Variants in DNAH17 observed in about 807,000 individuals in gnomAD.
The protein encoded by DNAH17 is axonemal beta dynein heavy chain 17.
Under a neutral mutation model 485.6 loss-of-function variants are expected in DNAH17, and 376 were observed. The ratio of observed to expected loss-of-function variants is 0.77; its 90% CI spans 0.71 to 0.84. The LOEUF is 0.84. Among genes scored for constraint, DNAH17 ranks in the 40% least tolerant of loss-of-function variants. The probability of loss-of-function intolerance (pLI) is 0.00; values close to 1 mark genes in which losing one functional copy is unlikely to be tolerated. For missense variants in DNAH17, 6,370 were observed against 5,839.3 expected (o/e 1.09, Z -2.96); for synonymous variants, 3,031 against 2,405.9 (o/e 1.26, Z -7.60).
rs56009624 is a variant in DNAH17 at position 78,528,950 on chromosome 17, A to ATT, written c.3507+520_3507+521dup. 4.9e-3 allele frequency among the ~76,000 whole-genome samples: 695 copies of ATT among 140,636 alleles called. 6 individuals are homozygous for ATT. Among genetic ancestry groups the ATT allele is most frequent in the Middle Eastern group, 0.015 (4 of 266 alleles). The allele number at this position is 140,636 out of a possible 152,430, so 92.3% of individuals were successfully genotyped here. On this transcript the variant is annotated intron_variant, in intron 22 of 80. Transcript: ENST00000389840. ...GACATGGGACATAAAGGCATTTTGT[A>ATT]TTTTTTTTTTTTTTTAAGACAGAAT... is the stretch of plus-strand genomic sequence containing the variant.
intron 75 of DNAH17, among the ~76,000 whole-genome samples, chr17:78,433,020 A>G (rs1367432562): frequency 6.6e-6 from 1 of 150,888 alleles, no homozygotes; most frequent in Non-Finnish European, 1.5e-5. Context: ...AGCTGAGTGC[A>G]GCTTTCTTCC....
rs759023332 is a variant in DNAH17, at chr17:78,459,958, G to A, written c.9479C>T (p.Ala3160Val). The A allele has an allele frequency of 6.2e-7, 1 of 1,613,502 alleles. No individual in the cohort carries two copies. The highest frequency in any genetic ancestry group is 1.1e-5 in the South Asian group (1 of 91,070). The change falls in exon 60 of 81, where the codon GCT (alanine) becomes GTT (valine). Residue 3160 changes from alanine (A) to valine (V), a missense_variant. Ala to Val is a moderately conservative substitution (Grantham distance 64). Transcript: ENST00000389840. ...GACGGCGGCGGTGACGTTGACCACA[G>A]CATCCGGCGGGGACCCAAAGGACTT... ...ELKSFGSPPD[A>V]VVNVTAAVMI...
At chr17:78,460,348 G>GTGTGTGCATGTGTGTGCATC (rs1396031125) in intron 58 of DNAH17, 91 bp from the exon 59 acceptor site, 4 of 988,720 alleles carry the variant, frequency 4.0e-6, no homozygotes, top group Non-Finnish European at 4.5e-6. Context: ...GTGTGTGCAT[G>GTGTGTGCATGTGTGTGCATC]TGTGTGCATG....
At position 78,479,100 on chromosome 17, in the gene DNAH17, G is replaced by T; in HGVS notation, c.7917C>A (p.Ile2639=). The change falls in exon 51 of 81, where the codon ATC becomes ATA. Residue 2639 remains isoleucine (I), a synonymous_variant. Coordinates refer to ENST00000389840, the MANE Select transcript of DNAH17 (RefSeq NM_173628.4). ...TGGCCGTGGGAAGAAATGTTGCCGT[G>T]ATTTTCTGATGCAAAGCTGTTAGAG... ...VAAALALHQK[I]TATFLPTAIK... is the part of the protein sequence containing the mutation. 1 of 1,613,964 alleles carries T rather than the reference G, an allele frequency of 6.2e-7. No homozygotes were observed. Among genetic ancestry groups the T allele is most frequent in the African/African-American group, 1.3e-5 (1 of 75,046 alleles).
chr17:78,475,496 C>G lies in DNAH17; in HGVS notation c.8320-27G>C, dbSNP rs1312936157. On this transcript the variant is annotated intron_variant, in intron 53 of 80. Coordinates refer to ENST00000389840, the MANE Select transcript of DNAH17 (RefSeq NM_173628.4). Reference sequence around the variant, plus strand: ...TGCAGAAACCGGAGAGATCCCACAACATCTTGTAGCACCTGGAATCACCTC... The same window carrying G: ...TGCAGAAACCGGAGAGATCCCACAAGATCTTGTAGCACCTGGAATCACCTC... 4 of 1,612,914 alleles carry G rather than the reference C, an allele frequency of 2.5e-6. No homozygotes were observed. The Admixed American group carries it at 5.0e-5, about 20-fold the overall frequency.
intron 58 of DNAH17, among the ~76,000 whole-genome samples, chr17:78,460,540 G>A (rs538758477): frequency 2.6e-5 from 4 of 152,350 alleles, no homozygotes; most frequent in African/African-American, 7.2e-5. Flanking sequence ...CTCATTTGCT[G>A]TATTTGCTGA....
chr17:78,487,408 C>T (rs939185844), intron 44 of DNAH17, among the ~76,000 whole-genome samples: 2 of 152,212 alleles, frequency 1.3e-5, no homozygotes, highest in Non-Finnish European at 1.5e-5. Flanking sequence ...CTGGCCCCCT[C>T]GAGTGCCAGT....
At chr17:78,444,485 G>A in intron 71 of DNAH17, 119 bp downstream of exon 71, 1 of 951,186 alleles carries the variant, frequency 1.1e-6, no homozygotes, top group Non-Finnish European at 1.5e-6. Flanking sequence ...AAAATGGGGA[G>A]AAGAAAAAAG....
In DNAH17 at chr17:78,561,968, A is replaced by G; in HGVS notation, c.1582T>C (p.Cys528Arg). Reference protein sequence around the residue: ...IKSSAKLLYMCGGLMERPLIL... With the variant: ...IKSSAKLLYMRGGLMERPLIL... The stretch of plus-strand genomic sequence containing the variant: ...AGGGGCCGCTCCATGAGGCCCCCAC[A>G]CATGTACAGGAGCTGAGGACAAAGG... Residue 528 changes from cysteine to arginine, a missense_variant, in exon 12 of 81, where the codon TGT becomes CGT. Cys to Arg is a radical substitution (Grantham distance 180). Transcript: ENST00000389840. 1 of 1,604,314 alleles carries G rather than the reference A, an allele frequency of 6.2e-7. No individual in the cohort carries two copies. Among genetic ancestry groups the G allele is most frequent in the South Asian group, 1.1e-5 (1 of 90,102 alleles).
At chr17:78,436,897 C>T (rs2086867018) in intron 74 of DNAH17, among the ~76,000 whole-genome samples, 1 of 151,972 alleles carries the variant, frequency 6.6e-6, no homozygotes, top group Non-Finnish European at 1.5e-5. Flanking sequence ...GCCAGGAAGG[C>T]TGTGGAGAAG....
intron 71 of DNAH17, among the ~76,000 whole-genome samples, chr17:78,442,854 G>A (rs2087127250): frequency 6.6e-6 from 1 of 152,242 alleles, no homozygotes; most frequent in Non-Finnish European, 1.5e-5. Context: ...GAGTGTGGAA[G>A]TGCTCCCGCG....
chr17:78,428,923 TTAAAAA>T (rs780635307), intron 76 of DNAH17, among the ~76,000 whole-genome samples, 192 bp downstream of exon 76: 117 of 79,218 alleles, frequency 1.5e-3, no homozygotes, highest in Middle Eastern at 0.011. Context: ...ATTTCTTTCT[TTAAAAA>T]AAAAAAAAAA....
At chr17:78,484,279 C>T (rs1471124367) in intron 48 of DNAH17, among the ~76,000 whole-genome samples, 2 of 152,006 alleles carry the variant, frequency 1.3e-5, no homozygotes, top group African/African-American at 4.8e-5. Context: ...CTCTGGCTCT[C>T]ACATCCTTGC....
intron 31 of DNAH17, among the ~76,000 whole-genome samples, chr17:78,503,547 C>A (rs1376591778): frequency 6.6e-6 from 1 of 152,060 alleles, no homozygotes; most frequent in Non-Finnish European, 1.5e-5. Flanking sequence ...TGTGCAGTAA[C>A]TGCAGTCCTG....
Position 78,429,137 on chromosome 17 carries a change from G to T in DNAH17, c.12389C>A (p.Pro4130His), listed in dbSNP as rs61742178. The T allele has an allele frequency of 6.2e-7, 1 of 1,613,406 alleles. No individual in the cohort carries two copies. The highest frequency in any genetic ancestry group is 8.5e-7 in the Non-Finnish European group (1 of 1,179,764). ...CATCCTTACCTTGTAGTCCAGGTTG[G>T]GGGGGATCTGAAAGCCGGGGGCCAG... ...VLLAPGFQIP[P>H]NLDYKGYHEY... The change falls in exon 76 of 81, where the codon CCC becomes CAC. Residue 4130 changes from proline (P) to histidine (H), a missense_variant. Pro to His is a moderately conservative substitution (Grantham distance 77). Coordinates refer to ENST00000389840, the MANE Select transcript of DNAH17 (RefSeq NM_173628.4).
chr17:78,570,407 A>G, intron 6 of DNAH17, 35 bp from the exon 7 acceptor site: 3 of 1,596,886 alleles, frequency 1.9e-6, no homozygotes, highest in Non-Finnish European at 2.6e-6. Context: ...ACTGGAGGGG[A>G]CTGGCCGCTG....
At chr17:78,488,836 G>A (rs2089724702) in intron 44 of DNAH17, among the ~76,000 whole-genome samples, 2 of 152,272 alleles carry the variant, frequency 1.3e-5, no homozygotes, top group East Asian at 1.9e-4. Flanking sequence ...TGGAGACAGA[G>A]GCGGAGATGG....
chr17:78,569,142 AGATGCACC>A lies in DNAH17; in HGVS notation c.1284+16_1284+23del. The A allele has an allele frequency of 6.4e-7, 1 of 1,560,546 alleles. No homozygotes were observed. Among genetic ancestry groups the A allele is most frequent in the Non-Finnish European group, 8.7e-7 (1 of 1,146,708 alleles). ...GGAGCAGTCTGGGAAGTGGAGGTCA[AGATGCACC>A]GAGTTCTGTTTTTACCTCAATGGTC... On this transcript the variant is annotated intron_variant, in intron 9 of 80. Transcript: ENST00000389840.
rs1371275278 is a variant in DNAH17, at chr17:78,460,631, G to A, written c.9340-374C>T. Among the ~76,000 whole-genome samples the A allele has an allele frequency of 5.9e-5, 9 of 152,270 alleles. No individual in the cohort carries two copies. In the East Asian group the frequency reaches 1.7e-3, roughly 29 times the overall value. On this transcript the variant is annotated intron_variant, in intron 58 of 80. Transcript: ENST00000389840. Reference sequence around the variant, plus strand: ...CCTTCCTCCCTGACGCCTCTACTCTGCCCCACAACGCTCAGGTCAGAATGA... The same window carrying A: ...CCTTCCTCCCTGACGCCTCTACTCTACCCCACAACGCTCAGGTCAGAATGA...
Sources: gnomAD v4.1 joint callset for allele counts (sites outside exome capture counted in the v4.1 genomes callset) on GRCh38, gnomAD v4.1.1 for gene constraint, MANE v1.5 for transcripts, NCBI Gene and HGNC (gene_info 2026-07-23, HGNC 2026-07-21) for gene names.